The following PTPRD variants were observed in gnomAD, a reference collection of about 807,000 sequenced individuals.
PTPRD encodes protein tyrosine phosphatase receptor type D.
Under a neutral mutation model 214.5 loss-of-function variants are expected in PTPRD, and 34 were observed. The ratio of observed to expected loss-of-function variants is 0.16; its 90% confidence interval spans 0.12 to 0.21. The LOEUF (loss-of-function observed/expected upper bound fraction) is 0.21, where lower values mean the gene tolerates loss of function less well. Among genes scored for constraint, PTPRD ranks in the 10% least tolerant of loss-of-function variants. The probability of loss-of-function intolerance (pLI) is 1.00; values close to 1 mark genes in which losing one functional copy is unlikely to be tolerated. For missense variants in PTPRD, 2,545 were observed against 2,398.7 expected (o/e 1.06, Z -1.27); for synonymous variants, 1,128 against 845.7 (o/e 1.33, Z -5.79).
At chr9:8,448,871 T>A (rs2095836581) in intron 34 of PTPRD, among the ~76,000 whole-genome samples, 1 of 152,216 alleles carries the variant, frequency 6.6e-6, no homozygotes, top group Admixed American at 6.5e-5. Flanking sequence ...GGGACAACAC[T>A]GCAACCACAT....
intron 3 of PTPRD, among the ~76,000 whole-genome samples, chr9:10,264,418 T>G (rs1037678205): frequency 5.9e-5 from 9 of 152,168 alleles, no homozygotes; most frequent in Non-Finnish European, 1.2e-4. Context: ...ACCTCTTGCA[T>G]CAGCATTACT....
intron 9 of PTPRD, among the ~76,000 whole-genome samples, chr9:9,200,567 G>A (rs1394834814): frequency 3.3e-5 from 5 of 152,176 alleles, no homozygotes; most frequent in Admixed American, 6.5e-5. Context: ...AGAGAATAAA[G>A]CAATTTGCCT....
intron 2 of PTPRD, among the ~76,000 whole-genome samples, chr9:10,380,505 T>C (rs569140693): frequency 1.3e-5 from 2 of 152,072 alleles, no homozygotes; most frequent in Non-Finnish European, 2.9e-5. Flanking sequence ...ACACATATCA[T>C]AGTACCCTTC....
intron 4 of PTPRD, among the ~76,000 whole-genome samples, chr9:10,030,282 G>C (rs1353390283): frequency 6.9e-6 from 1 of 145,062 alleles, no homozygotes; most frequent in Non-Finnish European, 1.5e-5. Context: ...TATATTTCTA[G>C]GTTTCTTTTG....
Position 8,970,950 on chromosome 9 carries a change from A to G in PTPRD, c.-104+47747T>C, listed in dbSNP as rs187569692. On this transcript the variant is annotated intron_variant, in intron 11 of 45. Coordinates refer to ENST00000381196, the MANE Select transcript of PTPRD (RefSeq NM_002839.4). ...ACAAAAACCAAACAAAAAACACAGA[A>G]TTAACCGGAGATATGTTCTAATGAA... Among the ~76,000 whole-genome samples, 22 of 151,830 alleles carry G rather than the reference A, an allele frequency of 1.4e-4. No homozygotes were observed. In the East Asian group the frequency reaches 3.9e-3, roughly 27 times the overall value.
chr9:9,969,022 C>A (rs2094910857), intron 4 of PTPRD, among the ~76,000 whole-genome samples: 1 of 152,052 alleles, frequency 6.6e-6, no homozygotes, highest in African/African-American at 2.4e-5. Context: ...AGGAGAGAGT[C>A]CATAGTCAAA....
intron 2 of PTPRD, among the ~76,000 whole-genome samples, chr9:10,585,243 T>C (rs1005675947): frequency 6.6e-6 from 1 of 151,964 alleles, no homozygotes; most frequent in Non-Finnish European, 1.5e-5. Context: ...TTTCATAATA[T>C]TGAAGTAATA....
intron 7 of PTPRD, among the ~76,000 whole-genome samples, chr9:9,693,955 T>C (rs1446536383): frequency 1.3e-5 from 2 of 152,210 alleles, no homozygotes; most frequent in Non-Finnish European, 2.9e-5. Flanking sequence ...TTTTTAAATA[T>C]CTCAATCTCT....
intron 11 of PTPRD, among the ~76,000 whole-genome samples, chr9:8,904,547 C>G (rs1375789761): frequency 1.3e-5 from 2 of 151,890 alleles, no homozygotes; most frequent in Non-Finnish European, 2.9e-5. Flanking sequence ...TGGCGCATGC[C>G]TGTAGTCCCA....
At chr9:10,208,375 G>T (rs10958946) in intron 3 of PTPRD, among the ~76,000 whole-genome samples, 1 of 151,924 alleles carries the variant, frequency 6.6e-6, no homozygotes. Context: ...TTAGCCGGGC[G>T]TGGTGGCGGG....
intron 30 of PTPRD, among the ~76,000 whole-genome samples, chr9:8,471,288 G>A (rs4625085): frequency 0.013 from 2,046 of 152,172 alleles, 41 homozygotes; most frequent in African/African-American, 0.04. Flanking sequence ...TGTGATTGCA[G>A]TGATCTTGTA....
At chr9:9,530,808 C>G (rs558249042) in intron 8 of PTPRD, among the ~76,000 whole-genome samples, 1 of 152,180 alleles carries the variant, frequency 6.6e-6, no homozygotes, top group South Asian at 2.1e-4. Flanking sequence ...CATATTTTCA[C>G]TCATATGTCA....
chr9:9,033,506 A>C (rs1360293669), intron 10 of PTPRD, among the ~76,000 whole-genome samples: 1 of 152,130 alleles, frequency 6.6e-6, no homozygotes, highest in Non-Finnish European at 1.5e-5. Context: ...ATTAAATGCA[A>C]GGCTAGCCAC....
intron 7 of PTPRD, among the ~76,000 whole-genome samples, chr9:9,651,293 G>A (rs949745744): frequency 6.6e-6 from 1 of 151,928 alleles, no homozygotes; most frequent in Admixed American, 6.6e-5. Flanking sequence ...TGTTACATAG[G>A]CAAACTTGTA....
At chr9:10,424,310 C>CTT (rs2098590581) in intron 2 of PTPRD, among the ~76,000 whole-genome samples, 5 of 143,496 alleles carry the variant, frequency 3.5e-5, no homozygotes, top group African/African-American at 1.1e-4. Context: ...ATATGGTTTC[C>CTT]TTTTCTCTCT....
intron 8 of PTPRD, among the ~76,000 whole-genome samples, chr9:9,521,195 C>T (rs375470581): frequency 2.0e-5 from 3 of 152,114 alleles, no homozygotes; most frequent in East Asian, 1.9e-4. Context: ...TCACCCCTGA[C>T]CCCATGTGTG....
intron 3 of PTPRD, among the ~76,000 whole-genome samples, chr9:10,196,794 T>A (rs959473599): frequency 6.6e-6 from 1 of 151,934 alleles, no homozygotes; most frequent in African/African-American, 2.4e-5. Flanking sequence ...TCCTAACCTG[T>A]AAAGTGATAG....
chr9:9,914,819 GC>G (rs747831571), intron 5 of PTPRD, among the ~76,000 whole-genome samples: 1 of 152,084 alleles, frequency 6.6e-6, no homozygotes, highest in Non-Finnish European at 1.5e-5. Context: ...GGGCAAATAT[GC>G]CCCCAAACTA....
intron 6 of PTPRD, 58 bp from the exon 7 acceptor site, chr9:9,734,629 A>T (rs1200140054): frequency 1.3e-5 from 2 of 152,108 alleles, no homozygotes; most frequent in African/African-American, 4.8e-5. Context: ...TTCAGAAAAA[A>T]TAGACAATAA....
Sources: gnomAD v4.1 joint callset for allele counts (sites outside exome capture counted in the v4.1 genomes callset) on GRCh38, gnomAD v4.1.1 for gene constraint, MANE v1.5 for transcripts, NCBI Gene and HGNC (gene_info 2026-07-23, HGNC 2026-07-21) for gene names.